SCGB2B2: variants seen among roughly 807,000 people sequenced by gnomAD.
SCGB2B2 encodes the protein secretoglobin-like protein.
A neutral mutation model predicts 7.6 loss-of-function variants in SCGB2B2; 11 were observed. The observed-to-expected ratio is 1.45, with a 90% CI of 0.91 to 2.40. The LOEUF is 2.40. Among genes scored for constraint, SCGB2B2 ranks in the 30% most tolerant of loss-of-function variants. SCGB2B2 has a pLI of 0.00. For missense variants in SCGB2B2, 104 were observed against 115.4 expected, an observed-to-expected ratio of 0.90 and a Z score of 0.45; for synonymous variants, 50 against 48.6, an observed-to-expected ratio of 1.03 and a Z score of -0.12.
intron 1 of SCGB2B2, among the ~76,000 whole-genome samples, chr19:34,603,997 ATTATTTG>A (rs1187895104): frequency 6.6e-6 from 1 of 151,996 alleles, no homozygotes; most frequent in Non-Finnish European, 1.5e-5. Context: ...TAATTTATTC[ATTATTTG>A]TGTCTTTCCC....
chr19:34,673,186 G>C (rs2067843387), intron 1 of SCGB2B2, among the ~76,000 whole-genome samples: 1 of 152,176 alleles, frequency 6.6e-6, no homozygotes, highest in Admixed American at 6.5e-5. Context: ...GGAAGGGAGT[G>C]GGTTGAGTAT....
At chr19:34,606,540 C>CACTT (rs1000563257) in intron 1 of SCGB2B2, among the ~76,000 whole-genome samples, 13 of 148,190 alleles carry the variant, frequency 8.8e-5, no homozygotes, top group African/African-American at 3.2e-4. Context: ...CTGGTGAGGA[C>CACTT]ACTTACTTAA....
intron 1 of SCGB2B2, among the ~76,000 whole-genome samples, chr19:34,606,922 T>A (rs1008415127): frequency 6.6e-6 from 1 of 152,198 alleles, no homozygotes; most frequent in Non-Finnish European, 1.5e-5. Context: ...AAAGGCGGAC[T>A]CCTCTCTACA....
At chr19:34,615,297 C>T (rs933871547) in intron 1 of SCGB2B2, among the ~76,000 whole-genome samples, 4 of 152,200 alleles carry the variant, frequency 2.6e-5, no homozygotes, top group African/African-American at 9.7e-5. Context: ...GTCTAAAATA[C>T]TCCAGTGGTG....
chr19:34,594,758 G>A lies in SCGB2B2; in HGVS notation c.-195C>T. On this transcript the variant is annotated 5_prime_UTR_variant, in exon 2 of 4. Transcript: ENST00000601241. ...CCCTCGGCCCTGGGCCATGCTGTTG[G>A]GGTGGCAGCGTATCGGGAACTGGAC... 1 of 618,024 alleles carries A rather than the reference G, an allele frequency of 1.6e-6. No homozygotes were observed. The allele number at this position is 618,024 out of a possible 1,614,324, so 38.3% of individuals were successfully genotyped here. A position where few individuals can be genotyped will look rare whatever the true frequency, so the allele number is the denominator to read the frequency against.
intron 1 of SCGB2B2, among the ~76,000 whole-genome samples, chr19:34,643,865 T>G (rs1388691917): frequency 1.3e-5 from 2 of 151,438 alleles, no homozygotes; most frequent in African/African-American, 4.9e-5. Flanking sequence ...AGATGGACAA[T>G]GTGAGGTCTA....
chr19:34,664,109 G>C (rs2067544377), intron 1 of SCGB2B2, among the ~76,000 whole-genome samples: 1 of 152,174 alleles, frequency 6.6e-6, no homozygotes, highest in African/African-American at 2.4e-5. Context: ...ACCCACAGTT[G>C]AGGGAGCTCC....
At chr19:34,627,302 A>T (rs1027562449) in intron 1 of SCGB2B2, among the ~76,000 whole-genome samples, 3 of 152,236 alleles carry the variant, frequency 2.0e-5, no homozygotes, top group African/African-American at 7.2e-5. Context: ...CAGTTAAAAG[A>T]CACAGACTGG....
At chr19:34,636,401 G>A (rs553234148) in intron 1 of SCGB2B2, among the ~76,000 whole-genome samples, 1 of 152,326 alleles carries the variant, frequency 6.6e-6, no homozygotes, top group Non-Finnish European at 1.5e-5. Flanking sequence ...CCAGGAAGGA[G>A]AGGCTGCATC....
intron 1 of SCGB2B2, among the ~76,000 whole-genome samples, chr19:34,617,605 A>T (rs1244336580): frequency 6.6e-6 from 1 of 152,046 alleles, no homozygotes; most frequent in Non-Finnish European, 1.5e-5. Flanking sequence ...TGGGGTTTTC[A>T]AGATATACAA....
At chr19:34,612,974 G>A (rs1434971662) in intron 1 of SCGB2B2, among the ~76,000 whole-genome samples, 1 of 152,066 alleles carries the variant, frequency 6.6e-6, no homozygotes, top group African/African-American at 2.4e-5. Flanking sequence ...TTATCATTAT[G>A]AATGACCTTC....
chr19:34,602,538 C>T (rs778560722), intron 1 of SCGB2B2, among the ~76,000 whole-genome samples: 3 of 152,082 alleles, frequency 2.0e-5, no homozygotes, highest in African/African-American at 2.4e-5. Context: ...CATTCGGCTA[C>T]GTTGCCCTTT....
At chr19:34,626,035 C>G (rs1002453693) in intron 1 of SCGB2B2, among the ~76,000 whole-genome samples, 15 of 152,324 alleles carry the variant, frequency 9.8e-5, no homozygotes, top group Non-Finnish European at 1.3e-4. Flanking sequence ...CCAGCAAACT[C>G]CAACAGACCT....
intron 1 of SCGB2B2, among the ~76,000 whole-genome samples, chr19:34,609,712 T>A (rs1410162940): frequency 6.6e-6 from 1 of 152,116 alleles, no homozygotes; most frequent in Non-Finnish European, 1.5e-5. Context: ...TACTATTTTT[T>A]AAAAAACTAT....
intron 1 of SCGB2B2, among the ~76,000 whole-genome samples, chr19:34,662,504 A>AAC (rs10634972): frequency 0.45 from 67,562 of 149,298 alleles, 15,117 homozygotes; most frequent in African/African-American, 0.5. Flanking sequence ...TTTTTTAAAC[A>AAC]ACACACACAC....
At chr19:34,635,531 C>A (rs745935299) in intron 1 of SCGB2B2, 3 of 270,028 alleles carry the variant, frequency 1.1e-5, no homozygotes, top group Non-Finnish European at 2.3e-5. Context: ...GCTTTAAACC[C>A]ATGTGAACTC....
At chr19:34,605,890 G>A (rs553843884) in intron 1 of SCGB2B2, among the ~76,000 whole-genome samples, 6 of 151,924 alleles carry the variant, frequency 3.9e-5, no homozygotes, top group East Asian at 3.9e-4. Context: ...CACTGCACCC[G>A]GCTAATCTTA....
chr19:34,604,717 TTATACTC>T lies in SCGB2B2; in HGVS notation c.-2031-8130_-2031-8124del, dbSNP rs539051428. On this transcript the variant is annotated intron_variant, in intron 1 of 3. Transcript: ENST00000601241. ...CCTTTGAAATTTGTTGAGATCTACT[TTATACTC>T]TAATACATGGTCAATTTTTTAAATG... Among the ~76,000 whole-genome samples the T allele has an allele frequency of 1.3e-3, 203 of 152,348 alleles. 3 individuals carry two copies. Among genetic ancestry groups the T allele is most frequent in the African/African-American group, 4.5e-3 (188 of 41,584 alleles).
At chr19:34,597,451 GT>G (rs34143721) in intron 1 of SCGB2B2, among the ~76,000 whole-genome samples, 70,153 of 151,958 alleles carry the variant, frequency 0.46, 16,602 homozygotes, top group East Asian at 0.68. Flanking sequence ...TCCCTAGAGG[GT>G]TTGATATCAG....
Sources: allele counts gnomAD v4.1 joint callset (sites outside exome capture counted in the v4.1 genomes callset), GRCh38; gene constraint gnomAD v4.1.1; transcripts MANE v1.5; gene names NCBI Gene and HGNC (gene_info 2026-07-23, HGNC 2026-07-21).